FMNL3: variants seen among roughly 807,000 people sequenced by gnomAD.
FMNL3 encodes the protein formin like 3, also known as formin-like protein 3.
A neutral mutation model predicts 119.6 loss-of-function variants in FMNL3; 57 were observed. That is an observed-to-expected ratio of 0.48 (90% CI 0.39 to 0.59). FMNL3 has a LOEUF of 0.59. Among genes scored for constraint, FMNL3 ranks in the 20% least tolerant of loss-of-function variants. FMNL3 has a pLI of 0.00. For synonymous variants in FMNL3, 491 were observed against 507.3 expected, an observed-to-expected ratio of 0.97 and a Z score of 0.43; for missense variants, 1,053 against 1,323.5, an observed-to-expected ratio of 0.80 and a Z score of 3.17.
Position 49,644,054 on chromosome 12 carries a change from G to C in FMNL3, c.*1761C>G. 6.2e-7 allele frequency: 1 copy of C among 1,614,120 alleles called. No homozygotes were observed. Among genetic ancestry groups the C allele is most frequent in the African/African-American group, 1.3e-5 (1 of 75,054 alleles). On this transcript the variant is annotated 3_prime_UTR_variant, in exon 26 of 26. Coordinates refer to ENST00000335154, the MANE Select transcript of FMNL3 (RefSeq NM_175736.5). ...GTCAGCACGCTGGTCAAGCTTCCAC[G>C]GCCCTTAGTGCAGGCTAAGGGTGAA...
rs775309215 is a variant in FMNL3 at position 49,649,826 on chromosome 12, C to T, written c.2100G>A (p.Glu700=). Residue 700 remains glutamate, a synonymous_variant, in exon 18 of 26, where the codon GAG becomes GAA. Transcript: ENST00000335154. This position sits in a 1 kb window ranked among gnomAD's most constrained non-coding sequence, Gnocchi z 5.6. The part of the protein sequence containing the change: ...EVKLLRQYER[E]RQPLEELAAE... ...CTGCCAACTCCTCCAGGGGCTGCCGCTCCCGCTCATATTGCCGCAGCAGCT... is the reference window on the plus strand; with the variant it reads ...CTGCCAACTCCTCCAGGGGCTGCCGTTCCCGCTCATATTGCCGCAGCAGCT... 3.1e-6 allele frequency: 5 copies of T among 1,614,208 alleles called. No homozygotes were observed. The highest frequency in any genetic ancestry group is 8.5e-7 in the Non-Finnish European group (1 of 1,180,040).
chr12:49,637,324 C>A lies in FMNL3; in HGVS notation c.*8491G>T, dbSNP rs555138116. 5.5e-5 allele frequency: 34 copies of A among 621,972 alleles called. No homozygotes were observed. In the East Asian group the frequency reaches 9.0e-4, roughly 17 times the overall value. The allele number at this position is 621,972 out of a possible 1,614,324, so 38.5% of individuals were successfully genotyped here. ...TGCATTGTTCTCAGCCTTCCATCTG[C>A]ATCTCTTCATCTCTGCCTCTCTTGC... On this transcript the variant is annotated 3_prime_UTR_variant, in exon 26 of 26. Transcript: ENST00000335154.
chr12:49,643,815 C>G lies in FMNL3; in HGVS notation c.*2000G>C. 6.2e-7 allele frequency: 1 copy of G among 1,613,852 alleles called. No individual in the cohort carries two copies. The highest frequency in any genetic ancestry group is 1.7e-5 in the Admixed American group (1 of 59,948). On this transcript the variant is annotated 3_prime_UTR_variant, in exon 26 of 26. Coordinates refer to ENST00000335154, the MANE Select transcript of FMNL3 (RefSeq NM_175736.5). ...TGTGAGTTCTGTTCTACCTGCCTCC[C>G]AGGCTATCCACAGGAACTGAGGAGG...
In FMNL3 at chr12:49,637,130, TTGG is replaced by T; in HGVS notation, c.*8682_*8684del. The T allele has an allele frequency of 1.7e-6, 1 of 580,480 alleles. No individual in the cohort carries two copies. Among genetic ancestry groups the T allele is most frequent in the Non-Finnish European group, 3.0e-6 (1 of 328,684 alleles). The allele number at this position is 580,480 out of a possible 1,614,324, so 36.0% of individuals were successfully genotyped here. A position where few individuals can be genotyped will look rare whatever the true frequency, so the allele number is the denominator to read the frequency against. On this transcript the variant is annotated 3_prime_UTR_variant, in exon 26 of 26. Transcript: ENST00000335154. ...GGCAGCTAGGCCATGTTTATTTCCC[TTGG>T]TGGGGCACCCGACAGGCAGAGTTTA...
At chr12:49,700,306 G>A (rs1007044512) in intron 1 of FMNL3, among the ~76,000 whole-genome samples, 24 of 150,920 alleles carry the variant, frequency 1.6e-4, no homozygotes, top group African/African-American at 5.9e-4. Flanking sequence ...GCAGAAGAAT[G>A]GTGTGAACCC....
Position 49,637,147 on chromosome 12 carries a change from A to G in FMNL3, c.*8668T>C. ...TATTTCCCTTGGTGGGGCACCCGAC[A>G]GGCAGAGTTTATTCCCTCAGCTTGG... On this transcript the variant is annotated 3_prime_UTR_variant, in exon 26 of 26. Transcript: ENST00000335154. The G allele has an allele frequency of 1.7e-6, 1 of 574,656 alleles. No individual in the cohort carries two copies. The highest frequency in any genetic ancestry group is 3.1e-6 in the Non-Finnish European group (1 of 323,418). The allele number at this position is 574,656 out of a possible 1,614,324, so 35.6% of individuals were successfully genotyped here.
chr12:49,681,490 G>GAGTA (rs1386763705), intron 1 of FMNL3, among the ~76,000 whole-genome samples: 3 of 152,100 alleles, frequency 2.0e-5, no homozygotes, highest in African/African-American at 2.4e-5. Flanking sequence ...CGCCCTGCCT[G>GAGTA]AGTAGCATTT....
intron 1 of FMNL3, among the ~76,000 whole-genome samples, chr12:49,690,383 CTTCT>C (rs1944571069): frequency 1.3e-5 from 2 of 151,756 alleles, no homozygotes; most frequent in South Asian, 2.1e-4. Flanking sequence ...AACCTAAAGC[CTTCT>C]TTGTTACACT....
At chr12:49,661,714 C>G in intron 5 of FMNL3, 1 of 452,344 alleles carries the variant, frequency 2.2e-6, no homozygotes, top group Admixed American at 3.8e-5. Context: ...TCCAAGCTCC[C>G]TTTCCATCTC....
chr12:49,684,076 A>G (rs1170400547), intron 1 of FMNL3, among the ~76,000 whole-genome samples: 2 of 152,116 alleles, frequency 1.3e-5, no homozygotes, highest in African/African-American at 2.4e-5. Flanking sequence ...TGTTATAATT[A>G]CATGTTTAAT....
In FMNL3 at chr12:49,649,388, T is replaced by C. The variant is rs1943320194; in HGVS notation, c.2305-49A>G. The C allele has an allele frequency of 1.9e-6, 3 of 1,613,552 alleles. No homozygotes were observed. The South Asian group carries it at 3.3e-5, about 18-fold the overall frequency. On this transcript the variant is annotated intron_variant, in intron 19 of 25. Coordinates refer to ENST00000335154, the MANE Select transcript of FMNL3 (RefSeq NM_175736.5). The surrounding 1 kb of genome is among the most constrained non-coding windows in gnomAD (Gnocchi z 5.6). ...CAGGTCAGGCTCAGGTCCTGAAGGC[T>C]CCTTCTTCCTCTCTGTATAGCCCCA...
In FMNL3 at chr12:49,670,347, T is replaced by C. The variant is rs78007716; in HGVS notation, c.127-1793A>G. On this transcript the variant is annotated intron_variant, in intron 1 of 25. Transcript: ENST00000335154. Reference sequence around the variant, plus strand: ...TATAAACATAACTCAGATATACTCCTAAACCAGCTGTATACTCATCTAGCC... The same window carrying C: ...TATAAACATAACTCAGATATACTCCCAAACCAGCTGTATACTCATCTAGCC... Among the ~76,000 whole-genome samples, 756 of 152,356 alleles carry C rather than the reference T, an allele frequency of 5.0e-3. 6 individuals carry two copies. The highest frequency in any genetic ancestry group is 0.017 in the African/African-American group (696 of 41,576).
chr12:49,653,934 T>C, intron 11 of FMNL3, 60 bp from the exon 12 acceptor site: 1 of 1,589,162 alleles, frequency 6.3e-7, no homozygotes, highest in Admixed American at 1.7e-5. Flanking sequence ...CAGGGGAACT[T>C]TCTGAGAAAG....
At chr12:49,704,087 G>GT (rs1944980678) in intron 1 of FMNL3, among the ~76,000 whole-genome samples, 1 of 152,192 alleles carries the variant, frequency 6.6e-6, no homozygotes, top group South Asian at 2.1e-4. Flanking sequence ...ACTCTGCTAA[G>GT]TATTTGACTT....
Position 49,647,028 on chromosome 12 carries a change from A to AGGG in FMNL3, c.2872-22_2872-20dup, listed in dbSNP as rs3841320. 8 of 1,613,568 alleles carry AGGG rather than the reference A, an allele frequency of 5.0e-6. No individual in the cohort carries two copies. The South Asian group carries it at 8.8e-5, about 18-fold the overall frequency. ...ATGGGGTCTAGGGCCAAGAATGTGG[A>AGGG]GGGGAAGGAAGTCATCACTAACCTA... On this transcript the variant is annotated intron_variant, in intron 24 of 25. Coordinates refer to ENST00000335154, the MANE Select transcript of FMNL3 (RefSeq NM_175736.5). The surrounding 1 kb of genome is among the most constrained non-coding windows in gnomAD (Gnocchi z 4.9).
chr12:49,675,384 T>G (rs1009756142), intron 1 of FMNL3, among the ~76,000 whole-genome samples: 7 of 152,184 alleles, frequency 4.6e-5, no homozygotes, highest in Non-Finnish European at 8.8e-5. Flanking sequence ...GGCAGCTTAT[T>G]TTCCAAAGCC....
intron 5 of FMNL3, among the ~76,000 whole-genome samples, chr12:49,658,821 C>A (rs1036344878): frequency 5.3e-5 from 8 of 152,166 alleles, no homozygotes; most frequent in African/African-American, 1.9e-4. Flanking sequence ...ACAAGGAGGG[C>A]AGTCTAAGGA....
chr12:49,706,699 G>A (rs1945057168), intron 1 of FMNL3, among the ~76,000 whole-genome samples: 1 of 152,206 alleles, frequency 6.6e-6, no homozygotes, highest in Non-Finnish European at 1.5e-5. Context: ...ACCCGCGAGA[G>A]GCTCCGGGCT....
intron 1 of FMNL3, among the ~76,000 whole-genome samples, chr12:49,671,455 G>A (rs1466428134): frequency 6.6e-6 from 1 of 152,230 alleles, no homozygotes; most frequent in Non-Finnish European, 1.5e-5. Context: ...AGGGAAGGAG[G>A]TGGGTAAGGG....
Sources: gnomAD v4.1 joint callset for allele counts (sites outside exome capture counted in the v4.1 genomes callset) on GRCh38, gnomAD v4.1.1 for gene constraint, Gnocchi (gnomAD v3.1) non-coding constraint, MANE v1.5 for transcripts, NCBI Gene and HGNC (gene_info 2026-07-23, HGNC 2026-07-21) for gene names.